Variants in CECR2 observed in about 807,000 individuals in gnomAD.
CECR2 encodes chromatin remodeling regulator CECR2.
CECR2 carries 30 observed loss-of-function variants against 154.5 expected under a neutral mutation model. That is an observed-to-expected ratio of 0.19 (90% CI 0.15 to 0.26). CECR2 has a LOEUF of 0.26. CECR2 is among the 10% of genes least tolerant of loss of function. The probability of loss-of-function intolerance (pLI) is 1.00; values close to 1 mark genes in which losing one functional copy is unlikely to be tolerated. For missense variants in CECR2, 1,743 were observed against 1,829.3 expected (o/e 0.95, Z 0.86); for synonymous variants, 725 against 683.7 (o/e 1.06, Z -0.94).
At chr22:17,408,889 G>T (rs1372154690) in intron 1 of CECR2, among the ~76,000 whole-genome samples, 1 of 152,076 alleles carries the variant, frequency 6.6e-6, no homozygotes, top group Admixed American at 6.6e-5. Context: ...TTGCTTAGTG[G>T]GGCCCACGAA....
At chr22:17,525,075 G>C (rs538398004) in intron 9 of CECR2, among the ~76,000 whole-genome samples, 4 of 149,328 alleles carry the variant, frequency 2.7e-5, no homozygotes, top group Non-Finnish European at 5.9e-5. Context: ...CATGAGGTTG[G>C]GTTTTCGAGA....
intron 1 of CECR2, among the ~76,000 whole-genome samples, chr22:17,384,707 G>A (rs141521988): frequency 1.5e-3 from 229 of 152,284 alleles, no homozygotes; most frequent in African/African-American, 5.2e-3. Flanking sequence ...TTCAAGGGCC[G>A]TAGGATTTTC....
At chr22:17,543,613 G>A (rs1489023854) in intron 16 of CECR2, among the ~76,000 whole-genome samples, 4 of 151,550 alleles carry the variant, frequency 2.6e-5, no homozygotes, top group Non-Finnish European at 5.9e-5. Flanking sequence ...AGGCTGGAGT[G>A]GAGTGGCACA....
At chr22:17,373,563 G>A (rs1179007233) in intron 1 of CECR2, among the ~76,000 whole-genome samples, 1 of 152,160 alleles carries the variant, frequency 6.6e-6, no homozygotes, top group East Asian at 1.9e-4. Context: ...AAATATGCCC[G>A]CAGTGTAATT....
At chr22:17,393,949 G>A (rs1291618139) in intron 1 of CECR2, among the ~76,000 whole-genome samples, 11 of 148,430 alleles carry the variant, frequency 7.4e-5, no homozygotes, top group Admixed American at 4.1e-4. Flanking sequence ...GTGCAATGGC[G>A]CGATCTCAGC....
chr22:17,407,737 T>A (rs2054006593), intron 1 of CECR2, among the ~76,000 whole-genome samples: 1 of 152,192 alleles, frequency 6.6e-6, no homozygotes, highest in Non-Finnish European at 1.5e-5. Context: ...TAGAGGACTT[T>A]GGCGGTGTCT....
chr22:17,423,181 A>C (rs1332055527), intron 1 of CECR2, among the ~76,000 whole-genome samples: 1 of 152,128 alleles, frequency 6.6e-6, no homozygotes, highest in Non-Finnish European at 1.5e-5. Flanking sequence ...TCTTAGGATT[A>C]GGTCTCAGCC....
intron 17 of CECR2, among the ~76,000 whole-genome samples, chr22:17,551,180 A>G (rs1397782804): frequency 6.6e-6 from 1 of 152,218 alleles, no homozygotes; most frequent in African/African-American, 2.4e-5. Context: ...ATACTTGAGC[A>G]TGCATCTCCT....
intron 1 of CECR2, among the ~76,000 whole-genome samples, chr22:17,469,382 C>G (rs921574470): frequency 8.5e-5 from 13 of 152,114 alleles, no homozygotes; most frequent in African/African-American, 2.9e-4. Flanking sequence ...CACACACCAC[C>G]CTTCTAATAC....
Position 17,477,636 on chromosome 22 carries a change from C to T in CECR2, c.175C>T (p.Leu59=). Residue 59 remains leucine (L), a synonymous_variant, in exon 2 of 19, where the codon CTG becomes TTG. Transcript: ENST00000262608. ...AGATGACGTGGAGTTTATCAGTGACCTGATTGCCTGCCTGCTTCAGGGCTG... is the reference window on the plus strand; with the variant it reads ...AGATGACGTGGAGTTTATCAGTGACTTGATTGCCTGCCTGCTTCAGGGCTG... ...HRDDVEFISD[L]IACLLQGCYQ... is the part of the protein sequence containing the mutation. 2 of 1,613,678 alleles carry T rather than the reference C, an allele frequency of 1.2e-6. No individual in the cohort carries two copies. Among genetic ancestry groups the T allele is most frequent in the Non-Finnish European group, 1.7e-6 (2 of 1,179,660 alleles).
chr22:17,417,489 T>A (rs568991118), intron 1 of CECR2, among the ~76,000 whole-genome samples: 295 of 152,108 alleles, frequency 1.9e-3, no homozygotes, highest in Non-Finnish European at 3.4e-3. Flanking sequence ...TGAAAAAAAA[T>A]TTTTTTTAAA....
rs2056554337 is a variant in CECR2 at position 17,542,962 on chromosome 22, C to T, written c.2819C>T (p.Ala940Val). ...CCTGCCCTGGGCAACCCTGGGAGGG[C>T]ACCGGAGAACAGTGAAGCACAAGAG... ...PKPALGNPGR[A>V]PENSEAQEPE... Residue 940 changes from alanine (A) to valine (V), a missense_variant, in exon 16 of 19, where the codon GCA becomes GTA. Physicochemically the swap from Ala to Val is moderately conservative, Grantham distance 64 (BLOSUM62 0). Coordinates refer to ENST00000262608, the MANE Select transcript of CECR2 (RefSeq NM_001290047.2). 1 of 1,612,634 alleles carries T rather than the reference C, an allele frequency of 6.2e-7. No individual in the cohort carries two copies. Among genetic ancestry groups the T allele is most frequent in the African/African-American group, 1.3e-5 (1 of 74,914 alleles).
At chr22:17,533,323 CAAA>C (rs142402299) in intron 9 of CECR2, among the ~76,000 whole-genome samples, 4 of 97,076 alleles carry the variant, frequency 4.1e-5, no homozygotes, top group East Asian at 2.9e-4. Context: ...ACTCTATCTC[CAAA>C]AAAAAAAAAA....
chr22:17,465,864 C>T (rs547793482), intron 1 of CECR2, among the ~76,000 whole-genome samples: 1 of 152,064 alleles, frequency 6.6e-6, no homozygotes, highest in Non-Finnish European at 1.5e-5. Context: ...AGCAATCCAC[C>T]TACCTCGTCC....
At chr22:17,538,248 ATAAC>A (rs1030969675) in intron 10 of CECR2, among the ~76,000 whole-genome samples, 18 of 152,340 alleles carry the variant, frequency 1.2e-4, no homozygotes, top group African/African-American at 3.8e-4. Flanking sequence ...GTGCAATTAA[ATAAC>A]TAACATTCTA....
intron 1 of CECR2, among the ~76,000 whole-genome samples, chr22:17,460,409 C>T (rs2054919773): frequency 6.6e-6 from 1 of 152,182 alleles, no homozygotes; most frequent in Non-Finnish European, 1.5e-5. Flanking sequence ...AGGATTTCGC[C>T]ATGTTGGCCA....
At chr22:17,517,028 G>GCCA (rs2056069868) in intron 8 of CECR2, among the ~76,000 whole-genome samples, 1 of 152,002 alleles carries the variant, frequency 6.6e-6, no homozygotes, top group East Asian at 1.9e-4. Context: ...ATAGGCGCCT[G>GCCA]CCACCACGCC....
chr22:17,370,720 C>T (rs73391753), intron 1 of CECR2, among the ~76,000 whole-genome samples: 15,247 of 152,186 alleles, frequency 0.1, 942 homozygotes, highest in African/African-American at 0.17. Context: ...ACCCGAGGGT[C>T]CTGGAGCGCG....
chr22:17,423,523 A>G (rs1353734824), intron 1 of CECR2, among the ~76,000 whole-genome samples: 1 of 151,588 alleles, frequency 6.6e-6, no homozygotes, highest in Non-Finnish European at 1.5e-5. Flanking sequence ...AAAAAAAAGA[A>G]GAAGAATTAA....
Sources: gnomAD v4.1 joint callset for allele counts (sites outside exome capture counted in the v4.1 genomes callset) on GRCh38, gnomAD v4.1.1 for gene constraint, MANE v1.5 for transcripts, NCBI Gene and HGNC (gene_info 2026-07-23, HGNC 2026-07-21) for gene names.